PRUNE2: variants seen among roughly 807,000 people sequenced by gnomAD.
PRUNE2 encodes protein prune homolog 2.
A neutral mutation model predicts 252.0 loss-of-function variants in PRUNE2; 164 were observed. The observed-to-expected ratio is 0.65, with a 90% CI of 0.57 to 0.74. The LOEUF is 0.74. Ranked by LOEUF, PRUNE2 falls within the 30% of genes least tolerant of loss-of-function variation. PRUNE2 has a pLI of 0.00. For synonymous variants in PRUNE2, 1,292 were observed against 1,350.2 expected (o/e 0.96, Z 0.94); for missense variants, 3,495 against 3,711.0 (o/e 0.94, Z 1.51).
intron 4 of PRUNE2, among the ~76,000 whole-genome samples, chr9:76,827,785 C>G (rs746968556): frequency 1.3e-5 from 2 of 152,200 alleles, no homozygotes; most frequent in Non-Finnish European, 2.9e-5. Flanking sequence ...AAGTCCCAAG[C>G]AAGTCGTCTG....
At position 76,614,643 on chromosome 9, in the gene PRUNE2, T is replaced by G. The variant is rs530263220; in HGVS notation, c.9237-43A>C. The G allele has an allele frequency of 1.1e-4, 165 of 1,486,008 alleles. No homozygotes were observed. In the South Asian group the frequency reaches 1.8e-3, roughly 16 times the overall value. 92.1% of individuals were successfully genotyped at this position (1,486,008 alleles called of 1,614,324 possible). On this transcript the variant is annotated intron_variant, in intron 18 of 18. Transcript: ENST00000376718. ...AGAGAGAGAAACATGAGAAACCAAA[T>G]GAGAGACATTTAGTAATGATTTGGG... is the stretch of plus-strand genomic sequence containing the variant.
chr9:76,620,918 G>A (rs1832015437), intron 17 of PRUNE2, among the ~76,000 whole-genome samples: 1 of 152,168 alleles, frequency 6.6e-6, no homozygotes, highest in Non-Finnish European at 1.5e-5. Context: ...TTCAAAATAA[G>A]AATGGTTCTA....
intron 6 of PRUNE2, chr9:76,737,128 A>G (rs572422730): frequency 6.6e-6 from 1 of 152,218 alleles, no homozygotes; most frequent in Non-Finnish European, 1.5e-5. Flanking sequence ...TAAAACTAAG[A>G]AATGTGCTCA....
rs760025133 is a variant in PRUNE2 at position 76,705,718 on chromosome 9, G to A, written c.6556C>T (p.His2186Tyr). Residue 2186 changes from histidine to tyrosine, a missense_variant, in exon 8 of 19, where the codon CAT becomes TAT. By Grantham distance (83) the His-to-Tyr change is moderately conservative. Coordinates refer to ENST00000376718, the MANE Select transcript of PRUNE2 (RefSeq NM_015225.3). ...TCAGAAGGTTCAGGTGAACCTTTAT[G>A]AGAGGCGGGCTGAGAGGAGCCCTTT... ...DIKGSSQPAS[H>Y]KGSPEPSEIN... 1.2e-6 allele frequency: 2 copies of A among 1,613,978 alleles called. No individual in the cohort carries two copies. The highest frequency in any genetic ancestry group is 2.2e-5 in the South Asian group (2 of 91,072).
intron 6 of PRUNE2, among the ~76,000 whole-genome samples, chr9:76,822,354 T>C (rs2058081885): frequency 1.3e-5 from 2 of 152,200 alleles, no homozygotes; most frequent in African/African-American, 2.4e-5. Flanking sequence ...ATTTATAAGC[T>C]GAATTATAAT....
At chr9:76,761,529 T>C (rs1034245582) in intron 6 of PRUNE2, among the ~76,000 whole-genome samples, 2 of 151,898 alleles carry the variant, frequency 1.3e-5, no homozygotes, top group Non-Finnish European at 1.5e-5. Context: ...AGACCTGAAC[T>C]GGATACAATT....
At chr9:76,898,695 A>C (rs530541635) in intron 1 of PRUNE2, among the ~76,000 whole-genome samples, 37 of 152,368 alleles carry the variant, frequency 2.4e-4, no homozygotes, top group Admixed American at 7.2e-4. Context: ...AAACAAAAAA[A>C]ACCTTAGTTC....
At chr9:76,786,233 T>C (rs1589227049) in intron 6 of PRUNE2, 1 of 152,282 alleles carries the variant, frequency 6.6e-6, no homozygotes, top group East Asian at 1.9e-4. Flanking sequence ...TTTGTGTTCA[T>C]GGATAGTCCA....
intron 11 of PRUNE2, among the ~76,000 whole-genome samples, chr9:76,651,807 C>A (rs1172040519): frequency 6.6e-6 from 1 of 152,160 alleles, no homozygotes. Context: ...ATTGGAGACG[C>A]AGGATCAAAT....
chr9:76,645,242 G>T (rs957515998), intron 11 of PRUNE2: 15 of 196,160 alleles, frequency 7.6e-5, no homozygotes, highest in African/African-American at 3.0e-4. Flanking sequence ...TCCTTGATCA[G>T]GGTAAAGAAA....
intron 1 of PRUNE2, among the ~76,000 whole-genome samples, chr9:76,880,333 T>C (rs1014218151): frequency 2.0e-5 from 3 of 152,196 alleles, no homozygotes; most frequent in Non-Finnish European, 4.4e-5. Flanking sequence ...GGGGGGTCCC[T>C]GGGTAACTTT....
At chr9:76,680,272 T>C (rs910474692) in intron 9 of PRUNE2, among the ~76,000 whole-genome samples, 3 of 152,086 alleles carry the variant, frequency 2.0e-5, no homozygotes, top group Non-Finnish European at 4.4e-5. Flanking sequence ...ACATCACTAA[T>C]CATTAGAAAA....
chr9:76,670,455 G>A (rs1360080068), intron 9 of PRUNE2, among the ~76,000 whole-genome samples: 3 of 152,042 alleles, frequency 2.0e-5, no homozygotes, highest in Admixed American at 2.0e-4. Flanking sequence ...CAAACTGCAA[G>A]GCGGCAGTGA....
intron 4 of PRUNE2, among the ~76,000 whole-genome samples, chr9:76,837,211 A>G (rs2059035873): frequency 6.6e-6 from 1 of 152,110 alleles, no homozygotes; most frequent in Non-Finnish European, 1.5e-5. Context: ...TGGGAGGCCA[A>G]GGCGGGCGGA....
chr9:76,859,271 G>C (rs545126368), intron 1 of PRUNE2, among the ~76,000 whole-genome samples: 1 of 152,010 alleles, frequency 6.6e-6, no homozygotes, highest in Non-Finnish European at 1.5e-5. Context: ...CCTATATACC[G>C]CTAAAATGAG....
chr9:76,855,559 C>A (rs771783193), intron 1 of PRUNE2, among the ~76,000 whole-genome samples: 4 of 152,032 alleles, frequency 2.6e-5, no homozygotes, highest in African/African-American at 9.7e-5. Flanking sequence ...CAGAGTCAAA[C>A]GCAATAGGTT....
chr9:76,783,013 T>C (rs1335888741), intron 6 of PRUNE2, among the ~76,000 whole-genome samples: 3 of 152,222 alleles, frequency 2.0e-5, no homozygotes, highest in African/African-American at 7.2e-5. Context: ...GTCATTTTCC[T>C]TAGGTTTCTT....
chr9:76,804,584 T>A (rs984171357), intron 6 of PRUNE2, among the ~76,000 whole-genome samples: 1 of 152,154 alleles, frequency 6.6e-6, no homozygotes, highest in Non-Finnish European at 1.5e-5. Context: ...GGCTTTACCT[T>A]CCTCCACCCT....
chr9:76,797,476 A>G (rs61387205), intron 6 of PRUNE2, among the ~76,000 whole-genome samples: 14,570 of 152,102 alleles, frequency 0.096, 1,353 homozygotes, highest in African/African-American at 0.23. Flanking sequence ...ATTGTTATTC[A>G]AGAGAAAGAA....
Sources: gnomAD v4.1 joint callset for allele counts (sites outside exome capture counted in the v4.1 genomes callset) on GRCh38, gnomAD v4.1.1 for gene constraint, MANE v1.5 for transcripts, NCBI Gene and HGNC (gene_info 2026-07-23, HGNC 2026-07-21) for gene names.